COL25A1: variants seen among roughly 807,000 people sequenced by gnomAD.
COL25A1 encodes the protein collagen type XXV alpha 1 chain.
In COL25A1, 103 loss-of-function variants were observed where a neutral mutation model predicts 128.4. The observed-to-expected ratio is 0.80, with a 90% CI of 0.68 to 0.94. COL25A1 has a LOEUF of 0.94. COL25A1 is among the 40% of genes least tolerant of loss of function. The probability of loss-of-function intolerance (pLI) is 0.00; values close to 1 mark genes in which losing one functional copy is unlikely to be tolerated. For synonymous variants in COL25A1, 279 were observed against 277.2 expected (o/e 1.01, Z -0.06); for missense variants, 745 against 840.0 (o/e 0.89, Z 1.40).
intron 3 of COL25A1, among the ~76,000 whole-genome samples, chr4:109,291,828 G>A (rs143757674): frequency 5.3e-5 from 8 of 152,102 alleles, no homozygotes; most frequent in African/African-American, 1.9e-4. Context: ...TTTTTCTAAC[G>A]AACAGTACCA....
At chr4:109,217,983 C>T (rs1778126395) in intron 3 of COL25A1, among the ~76,000 whole-genome samples, 1 of 152,090 alleles carries the variant, frequency 6.6e-6, no homozygotes, top group South Asian at 2.1e-4. Context: ...GTCTGTATTC[C>T]CATAGCTAGT....
chr4:109,012,325 C>A (rs998006344), intron 5 of COL25A1, among the ~76,000 whole-genome samples: 1 of 152,242 alleles, frequency 6.6e-6, no homozygotes, highest in Non-Finnish European at 1.5e-5. Context: ...GTGCTAGCAG[C>A]CCTTGCTCAC....
intron 3 of COL25A1, among the ~76,000 whole-genome samples, chr4:109,142,010 T>G (rs551024823): frequency 1.4e-4 from 21 of 152,176 alleles, no homozygotes; most frequent in Non-Finnish European, 2.5e-4. Context: ...TTCCTTTCAT[T>G]GTGATGTCAG....
At chr4:109,021,371 T>C (rs1560553654) in intron 5 of COL25A1, among the ~76,000 whole-genome samples, 1 of 152,188 alleles carries the variant, frequency 6.6e-6, no homozygotes. Flanking sequence ...GGAACATAAA[T>C]TGTGAAGATT....
chr4:109,195,556 A>G (rs1775970335), intron 3 of COL25A1, among the ~76,000 whole-genome samples: 1 of 152,182 alleles, frequency 6.6e-6, no homozygotes, highest in African/African-American at 2.4e-5. Context: ...ATAAAACCCA[A>G]TAATATGAAT....
rs1383703429 is a variant in COL25A1, at chr4:109,254,505, A to ATATATGTG, written c.367+46077_367+46078insCACATATA. ...TATATATATATATATATATATATAT[A>ATATATGTG]TGTATGTGTGTATATACATATACAT... On this transcript the variant is annotated intron_variant, in intron 3 of 37. Transcript: ENST00000399132. 2.6e-3 allele frequency among the ~76,000 whole-genome samples: 269 copies of ATATATGTG among 104,962 alleles called. 7 individuals are homozygous for ATATATGTG. The highest frequency in any genetic ancestry group is 0.022 in the East Asian group (72 of 3,268). The allele number at this position is 104,962 out of a possible 152,430, so 68.9% of individuals were successfully genotyped here. A position where few individuals can be genotyped will look rare whatever the true frequency, so the allele number is the denominator to read the frequency against.
At chr4:109,194,901 T>G (rs1157712083) in intron 3 of COL25A1, among the ~76,000 whole-genome samples, 1 of 152,192 alleles carries the variant, frequency 6.6e-6, no homozygotes, top group East Asian at 1.9e-4. Flanking sequence ...AACATTGATG[T>G]GTTTTGATAG....
At chr4:108,957,733 G>T (rs1044432014) in intron 8 of COL25A1, among the ~76,000 whole-genome samples, 2 of 152,160 alleles carry the variant, frequency 1.3e-5, no homozygotes, top group Non-Finnish European at 2.9e-5. Context: ...TAATTAGCTG[G>T]CAGGGCCGAT....
chr4:108,940,519 T>C lies in COL25A1; in HGVS notation c.672+20A>G, dbSNP rs185553720. On this transcript the variant is annotated intron_variant, in intron 10 of 37. Coordinates refer to ENST00000399132, the MANE Select transcript of COL25A1 (RefSeq NM_198721.4). ...ATGAAGCAAAACGTGTGAGAATAAGTGATCCAAAAAGCGACTCACGGGTAC... is the reference window on the plus strand; with the variant it reads ...ATGAAGCAAAACGTGTGAGAATAAGCGATCCAAAAAGCGACTCACGGGTAC... 1.6e-5 allele frequency: 26 copies of C among 1,593,148 alleles called. No homozygotes were observed. Among genetic ancestry groups the C allele is most frequent in the Non-Finnish European group, 2.1e-5 (24 of 1,160,994 alleles).
chr4:109,272,873 C>T (rs1047137977), intron 3 of COL25A1, among the ~76,000 whole-genome samples: 1 of 152,206 alleles, frequency 6.6e-6, no homozygotes, highest in Non-Finnish European at 1.5e-5. Context: ...AGGAATACAG[C>T]AGGTCTGAGG....
At chr4:108,874,465 GT>G (rs70949054) in intron 19 of COL25A1, among the ~76,000 whole-genome samples, 2 of 151,538 alleles carry the variant, frequency 1.3e-5, no homozygotes, top group East Asian at 1.9e-4. Context: ...AATCCAGAGG[GT>G]TTTTTTTATT....
intron 6 of COL25A1, among the ~76,000 whole-genome samples, chr4:108,990,137 G>A (rs1379925905): frequency 2.8e-5 from 4 of 141,652 alleles, no homozygotes; most frequent in Admixed American, 1.4e-4. Context: ...GCTTGAATCC[G>A]GGAGGCAGAG....
intron 20 of COL25A1, among the ~76,000 whole-genome samples, chr4:108,866,621 T>A (rs1022930589): frequency 2.0e-5 from 3 of 152,228 alleles, no homozygotes; most frequent in African/African-American, 7.2e-5. Flanking sequence ...GTGTTGGGAA[T>A]AAGAAATATA....
Position 108,948,778 on chromosome 4 carries a change from G to A in COL25A1, c.493-7341C>T, listed in dbSNP as rs1405458874. 2.0e-5 allele frequency among the ~76,000 whole-genome samples: 3 copies of A among 152,142 alleles called. 1 individual carries two copies. Among genetic ancestry groups the A allele is most frequent in the Admixed American group, 6.5e-5 (1 of 15,278 alleles). ...AAAGAAAACAATGCAATCTCTGTAT[G>A]AACAAATATCATTAAATACTGTAGC... On this transcript the variant is annotated intron_variant, in intron 8 of 37. Coordinates refer to ENST00000399132, the MANE Select transcript of COL25A1 (RefSeq NM_198721.4).
At chr4:109,132,066 A>C (rs1196563923) in intron 3 of COL25A1, among the ~76,000 whole-genome samples, 3 of 152,186 alleles carry the variant, frequency 2.0e-5, no homozygotes, top group Non-Finnish European at 4.4e-5. Context: ...AAAATGAAAA[A>C]TATTAGGTTT....
At chr4:108,914,215 GA>G (rs1448709521) in intron 13 of COL25A1, among the ~76,000 whole-genome samples, 2 of 152,148 alleles carry the variant, frequency 1.3e-5, no homozygotes, top group Non-Finnish European at 2.9e-5. Context: ...AGACATGGGG[GA>G]TGGGGGACTT....
chr4:109,061,918 T>A (rs1762011446), intron 3 of COL25A1, among the ~76,000 whole-genome samples: 1 of 152,206 alleles, frequency 6.6e-6, no homozygotes, highest in Non-Finnish European at 1.5e-5. Context: ...CATTTTCCAA[T>A]GAAACTACAG....
chr4:109,140,503 A>C (rs1284188164), intron 3 of COL25A1, among the ~76,000 whole-genome samples: 2 of 152,156 alleles, frequency 1.3e-5, no homozygotes, highest in African/African-American at 2.4e-5. Flanking sequence ...GATAGCATTG[A>C]ATCTATAAAT....
chr4:109,183,592 G>GTATA (rs759341952), intron 3 of COL25A1, among the ~76,000 whole-genome samples: 2 of 152,000 alleles, frequency 1.3e-5, no homozygotes, highest in African/African-American at 2.4e-5. Context: ...TTTTATCTTT[G>GTATA]TATAGATCAA....
Sources: gnomAD v4.1 joint callset for allele counts (sites outside exome capture counted in the v4.1 genomes callset) on GRCh38, gnomAD v4.1.1 for gene constraint, MANE v1.5 for transcripts, NCBI Gene and HGNC (gene_info 2026-07-23, HGNC 2026-07-21) for gene names.